The following AXDND1 variants were observed in gnomAD, a reference collection of about 807,000 sequenced individuals.
The protein encoded by AXDND1 is axonemal dynein light chain domain-containing protein 1.
In AXDND1, 110 loss-of-function variants were observed where a neutral mutation model predicts 137.5. The ratio of observed to expected loss-of-function variants is 0.80; its 90% CI spans 0.69 to 0.94. The LOEUF is 0.94. Among genes scored for constraint, AXDND1 ranks in the 40% least tolerant of loss-of-function variants. AXDND1 has a pLI of 0.00. For synonymous variants in AXDND1, 414 were observed against 399.7 expected (o/e 1.04, Z -0.43); for missense variants, 1,191 against 1,169.8 (o/e 1.02, Z -0.26).
At chr1:179,430,426 T>G in intron 13 of AXDND1, 26 bp from the exon 14 acceptor site, 1 of 1,550,594 alleles carries the variant, frequency 6.4e-7, no homozygotes, top group South Asian at 1.2e-5. Context: ...ATGAATATAT[T>G]ATTTGATTCT....
chr1:179,493,108 T>C (rs1667094314), intron 20 of AXDND1, among the ~76,000 whole-genome samples, 157 bp downstream of exon 20: 1 of 152,150 alleles, frequency 6.6e-6, no homozygotes, highest in African/African-American at 2.4e-5. Flanking sequence ...TTAATAAAAA[T>C]GAAAAATAGG....
At chr1:179,516,802 T>C (rs1669579589) in intron 21 of AXDND1, among the ~76,000 whole-genome samples, 1 of 152,214 alleles carries the variant, frequency 6.6e-6, no homozygotes, top group Non-Finnish European at 1.5e-5. Context: ...TCCTGTGATG[T>C]GAACCGTCTA....
intron 25 of AXDND1, chr1:179,543,989 T>C (rs992883218): frequency 6.6e-6 from 1 of 152,626 alleles, no homozygotes; most frequent in Non-Finnish European, 1.5e-5. Flanking sequence ...CCAGACTACA[T>C]CCAATGACAA....
chr1:179,538,076 T>A (rs1163440586), intron 25 of AXDND1, among the ~76,000 whole-genome samples: 3 of 152,166 alleles, frequency 2.0e-5, no homozygotes, highest in African/African-American at 4.8e-5. Context: ...ATTTGAATCT[T>A]CTCTCTTTTC....
At chr1:179,438,120 C>A (rs1463207647) in intron 15 of AXDND1, among the ~76,000 whole-genome samples, 1 of 151,768 alleles carries the variant, frequency 6.6e-6, no homozygotes, top group East Asian at 1.9e-4. Flanking sequence ...CCACTGCACT[C>A]CAGCCTGGGC....
chr1:179,491,698 T>C lies in AXDND1; in HGVS notation c.2252T>C (p.Leu751Pro), dbSNP rs562854328. ...CGATTGGAGCTAGATGCGATTGAAC[T>C]GACAAGGAAGTTGTACCAATACTCC... ...VARLELDAIE[L>P]TRKLYQYSSY... Residue 751 changes from leucine to proline, a missense_variant, in exon 19 of 26, where the codon CTG becomes CCG. By Grantham distance (98) the Leu-to-Pro change is moderately conservative. Transcript: ENST00000367618. The C allele has an allele frequency of 1.3e-6, 2 of 1,597,260 alleles. No homozygotes were observed. Among genetic ancestry groups the C allele is most frequent in the African/African-American group, 2.7e-5 (2 of 74,256 alleles).
At chr1:179,382,319 G>A (rs143168925) in intron 6 of AXDND1, among the ~76,000 whole-genome samples, 6,932 of 152,012 alleles carry the variant, frequency 0.046, 229 homozygotes, top group Non-Finnish European at 0.069. Context: ...GACCTCAAGT[G>A]ATCTGCCCGC....
In AXDND1 at chr1:179,534,578, G is replaced by C; in HGVS notation, c.2799-152G>C. ...ATTCAGAGTCGCTCCTGGGCCCCCA[G>C]TTCTCAGTTAATCATTGATGCTGTT... On this transcript the variant is annotated intron_variant, in intron 24 of 25. Coordinates refer to ENST00000367618, the MANE Select transcript of AXDND1 (RefSeq NM_144696.6). The C allele has an allele frequency of 3.2e-6, 3 of 948,786 alleles. No individual in the cohort carries two copies. In the South Asian group the frequency reaches 7.9e-5, roughly 25 times the overall value. The allele number at this position is 948,786 out of a possible 1,614,324, so 58.8% of individuals were successfully genotyped here.
chr1:179,463,489 T>C (rs1224299348), intron 16 of AXDND1, among the ~76,000 whole-genome samples: 1 of 152,218 alleles, frequency 6.6e-6, no homozygotes, highest in Non-Finnish European at 1.5e-5. Context: ...AGAGACAGTT[T>C]GTTATAATTT....
intron 15 of AXDND1, among the ~76,000 whole-genome samples, chr1:179,440,348 G>T (rs1451364181): frequency 1.3e-5 from 2 of 152,234 alleles, no homozygotes; most frequent in African/African-American, 4.8e-5. Flanking sequence ...ATGACCAGCT[G>T]TCTCACCTGT....
At chr1:179,502,455 T>G (rs553921886) in intron 20 of AXDND1, among the ~76,000 whole-genome samples, 1 of 148,878 alleles carries the variant, frequency 6.7e-6, no homozygotes, top group Non-Finnish European at 1.5e-5. Flanking sequence ...TCCCAGCTAC[T>G]GGGGAGGCTG....
At chr1:179,381,049 TTTTTC>T (rs1360002370) in intron 6 of AXDND1, among the ~76,000 whole-genome samples, 107 of 92,360 alleles carry the variant, frequency 1.2e-3, no homozygotes, top group African/African-American at 2.3e-3. Context: ...TTTTTTTTTT[TTTTTC>T]TTTGAGACGG....
At chr1:179,523,358 T>A (rs1178278851) in intron 21 of AXDND1, among the ~76,000 whole-genome samples, 2 of 151,998 alleles carry the variant, frequency 1.3e-5, no homozygotes, top group Non-Finnish European at 2.9e-5. Flanking sequence ...CAATGTGGAG[T>A]GGCCAAATTA....
chr1:179,375,987 A>C (rs1457083553), intron 4 of AXDND1, among the ~76,000 whole-genome samples: 3 of 152,106 alleles, frequency 2.0e-5, no homozygotes, highest in Admixed American at 6.6e-5. Context: ...GTTTCCACCA[A>C]CCTCACATGC....
At chr1:179,435,593 G>A (rs1658030738) in intron 15 of AXDND1, among the ~76,000 whole-genome samples, 1 of 152,136 alleles carries the variant, frequency 6.6e-6, no homozygotes, top group South Asian at 2.1e-4. Flanking sequence ...ATGCAATGGG[G>A]AAAAGGTTCT....
In AXDND1 at chr1:179,506,678, C is replaced by T. The variant is rs184329869; in HGVS notation, c.2389-2618C>T. 2.9e-3 allele frequency among the ~76,000 whole-genome samples: 437 copies of T among 152,092 alleles called. 1 individual carries two copies. Among genetic ancestry groups the T allele is most frequent in the Non-Finnish European group, 5.0e-3 (337 of 68,000 alleles). On this transcript the variant is annotated intron_variant, in intron 20 of 25. Transcript: ENST00000367618. ...CTAGGAGGCGGAGGTTGCAGTGAGC[C>T]GAGATTGCACCACTGCACTCTAGCC...
chr1:179,398,090 T>C (rs944585532), intron 11 of AXDND1, among the ~76,000 whole-genome samples: 2 of 152,202 alleles, frequency 1.3e-5, no homozygotes, highest in African/African-American at 4.8e-5. Context: ...TCAGAGTCCT[T>C]GTGTTGTTTT....
At chr1:179,520,872 T>TTA (rs939994184) in intron 21 of AXDND1, among the ~76,000 whole-genome samples, 12 of 148,084 alleles carry the variant, frequency 8.1e-5, no homozygotes, top group East Asian at 3.9e-4. Context: ...ATATATACAG[T>TTA]TATATATATA....
chr1:179,422,306 T>G (rs1203134513), intron 12 of AXDND1, among the ~76,000 whole-genome samples: 1 of 148,794 alleles, frequency 6.7e-6, no homozygotes, highest in Non-Finnish European at 1.5e-5. Flanking sequence ...TTTTACTGTA[T>G]CCCATAGATT....
Sources: allele counts gnomAD v4.1 joint callset (sites outside exome capture counted in the v4.1 genomes callset), GRCh38; gene constraint gnomAD v4.1.1; transcripts MANE v1.5; gene names NCBI Gene and HGNC (gene_info 2026-07-23, HGNC 2026-07-21).